PTPRG: variants seen among roughly 807,000 people sequenced by gnomAD.
The protein encoded by PTPRG is receptor-type tyrosine-protein phosphatase gamma.
In PTPRG, 102 loss-of-function variants were observed where a neutral mutation model predicts 165.3. That is an observed-to-expected ratio of 0.62 (90% CI 0.53 to 0.73). The LOEUF is 0.73. Ranked by LOEUF, PTPRG falls within the 30% of genes least tolerant of loss-of-function variation. PTPRG has a pLI of 0.00. For synonymous variants in PTPRG, 675 were observed against 669.5 expected (o/e 1.01, Z -0.13); for missense variants, 1,866 against 1,861.4 (o/e 1.00, Z -0.05).
In PTPRG at chr3:62,195,880, G is replaced by A. The variant is rs1277774690; in HGVS notation, c.1327+710G>A. Among the ~76,000 whole-genome samples the A allele has an allele frequency of 1.3e-5, 2 of 152,048 alleles. No individual in the cohort carries two copies. The highest frequency in any genetic ancestry group is 1.3e-4 in the Admixed American group (2 of 15,274). On this transcript the variant is annotated intron_variant, in intron 10 of 29. Coordinates refer to ENST00000474889, the MANE Select transcript of PTPRG (RefSeq NM_002841.4). The surrounding 1 kb of genome is among the most constrained non-coding windows in gnomAD (Gnocchi z 4.4). ...GTGGTGTTGGCTCACTGCAACCTCT[G>A]CCTCCTGGGTTCAAGTGATGCCTCA...
intron 1 of PTPRG, among the ~76,000 whole-genome samples, chr3:61,656,044 C>A (rs1198637303): frequency 2.0e-5 from 3 of 150,852 alleles, no homozygotes; most frequent in South Asian, 2.1e-4. Context: ...GCAAGACCCC[C>A]CCCCCCCCGA....
At chr3:62,207,275 G>A (rs186418551) in intron 12 of PTPRG, among the ~76,000 whole-genome samples, 8 of 152,334 alleles carry the variant, frequency 5.3e-5, no homozygotes, top group African/African-American at 7.2e-5. Flanking sequence ...AGAAACAGGC[G>A]ATGGGTCTGA....
At chr3:61,691,814 A>C (rs943489364) in intron 1 of PTPRG, among the ~76,000 whole-genome samples, 7 of 152,218 alleles carry the variant, frequency 4.6e-5, no homozygotes, top group Non-Finnish European at 8.8e-5. Flanking sequence ...TATCATAAAA[A>C]GCATATGGGG....
At chr3:62,136,703 C>G (rs899512339) in intron 6 of PTPRG, among the ~76,000 whole-genome samples, 2 of 152,168 alleles carry the variant, frequency 1.3e-5, no homozygotes, top group African/African-American at 4.8e-5. Context: ...CTCACAAGAT[C>G]TGATAGTTTT....
intron 5 of PTPRG, among the ~76,000 whole-genome samples, chr3:62,120,657 A>G (rs1231479566): frequency 6.6e-6 from 1 of 151,856 alleles, no homozygotes; most frequent in Non-Finnish European, 1.5e-5. Flanking sequence ...AGCCTGAGGC[A>G]GGAGAATCGC....
At chr3:62,057,745 C>T (rs1392431265) in intron 4 of PTPRG, among the ~76,000 whole-genome samples, 1 of 152,138 alleles carries the variant, frequency 6.6e-6, no homozygotes, top group Non-Finnish European at 1.5e-5. Context: ...TCTGCTGTGC[C>T]GTTAACATTC....
At chr3:61,586,238 A>G (rs564162311) in intron 1 of PTPRG, among the ~76,000 whole-genome samples, 29 of 152,230 alleles carry the variant, frequency 1.9e-4, no homozygotes, top group African/African-American at 6.3e-4. Flanking sequence ...AGGAAGGACA[A>G]GTTCTTCAGT....
chr3:61,666,145 G>GT (rs1702807546), intron 1 of PTPRG, among the ~76,000 whole-genome samples: 1 of 152,178 alleles, frequency 6.6e-6, no homozygotes, highest in African/African-American at 2.4e-5. Context: ...GTTGCAGAGT[G>GT]TAATAAACTC....
chr3:62,040,567 C>T (rs982862381), intron 4 of PTPRG, among the ~76,000 whole-genome samples: 3 of 152,222 alleles, frequency 2.0e-5, no homozygotes, highest in Non-Finnish European at 4.4e-5. Context: ...GATTCTCCTG[C>T]CTCAGCCTCC....
intron 2 of PTPRG, among the ~76,000 whole-genome samples, chr3:61,772,255 A>G (rs1275061017): frequency 6.6e-6 from 1 of 152,012 alleles, no homozygotes; most frequent in Non-Finnish European, 1.5e-5. Flanking sequence ...TTTGTCTACC[A>G]GAATCTGTGA....
chr3:62,044,549 G>A (rs1371560602), intron 4 of PTPRG, among the ~76,000 whole-genome samples: 9 of 148,846 alleles, frequency 6.0e-5, no homozygotes, highest in African/African-American at 1.7e-4. Context: ...AAAAAAAAAA[G>A]GAAAAAAAAT....
intron 1 of PTPRG, among the ~76,000 whole-genome samples, chr3:61,726,249 T>A (rs899319239): frequency 6.6e-6 from 1 of 152,246 alleles, no homozygotes; most frequent in Non-Finnish European, 1.5e-5. Context: ...GGGCTTCCGC[T>A]TATACTGCTG....
chr3:62,268,473 G>A (rs1235098913), intron 19 of PTPRG, among the ~76,000 whole-genome samples: 1 of 151,984 alleles, frequency 6.6e-6, no homozygotes, highest in East Asian at 1.9e-4. Context: ...TCTTGCACAT[G>A]TACCCCAAAA....
intron 5 of PTPRG, among the ~76,000 whole-genome samples, chr3:62,100,329 C>G (rs548980635): frequency 6.6e-6 from 1 of 152,200 alleles, no homozygotes; most frequent in African/African-American, 2.4e-5. Context: ...TTTTCTATAT[C>G]TTAAACAGAA....
chr3:61,637,566 T>TCCAAGGCTTGTTCCTGA (rs1422160370), intron 1 of PTPRG, among the ~76,000 whole-genome samples: 3 of 152,166 alleles, frequency 2.0e-5, no homozygotes, highest in African/African-American at 7.2e-5. Context: ...TTCTGTTCCT[T>TCCAAGGCTTGTTCCTGA]CCAAGGCTTG....
intron 2 of PTPRG, among the ~76,000 whole-genome samples, chr3:61,759,152 T>C (rs1214411871): frequency 6.6e-6 from 1 of 152,184 alleles, no homozygotes; most frequent in Non-Finnish European, 1.5e-5. Context: ...GAAGGGTGGT[T>C]ATCTTCTTGG....
intron 1 of PTPRG, among the ~76,000 whole-genome samples, chr3:61,721,946 C>T (rs951667963): frequency 1.3e-5 from 2 of 152,108 alleles, no homozygotes; most frequent in African/African-American, 4.8e-5. Context: ...GAGTGGTTCT[C>T]CTTAGTATGG....
At chr3:61,750,204 A>G (rs2033374711) in intron 2 of PTPRG, 2 of 152,226 alleles carry the variant, frequency 1.3e-5, no homozygotes, top group South Asian at 4.1e-4. Flanking sequence ...CCAAAATTAC[A>G]TATATATAGC....
chr3:61,906,983 A>G (rs188719076), intron 2 of PTPRG, among the ~76,000 whole-genome samples: 1 of 152,318 alleles, frequency 6.6e-6, no homozygotes, highest in East Asian at 1.9e-4. Flanking sequence ...TAGAAAACAG[A>G]ATTAAACCAA....
Sources: gnomAD v4.1 joint callset for allele counts (sites outside exome capture counted in the v4.1 genomes callset) on GRCh38, gnomAD v4.1.1 for gene constraint, Gnocchi (gnomAD v3.1) non-coding constraint, MANE v1.5 for transcripts, NCBI Gene and HGNC (gene_info 2026-07-23, HGNC 2026-07-21) for gene names.